CEP295NL: variants seen among roughly 807,000 people sequenced by gnomAD.
CEP295NL encodes the protein protein DDC8 homolog.
Under a neutral mutation model 4.6 loss-of-function variants are expected in CEP295NL, and 3 were observed. That is an observed-to-expected ratio of 0.65 (90% CI 0.30 to 1.69). The LOEUF is 1.69. Ranked by LOEUF, CEP295NL falls within the 40% of genes most tolerant of loss-of-function variation. CEP295NL has a pLI of 0.10. For synonymous variants in CEP295NL, 295 were observed against 312.2 expected (o/e 0.94, Z 0.58); for missense variants, 719 against 769.0 (o/e 0.93, Z 0.77).
At position 78,892,125 on chromosome 17, in the gene CEP295NL, C is replaced by T. The variant is rs1045609565; in HGVS notation, c.379G>A (p.Gly127Ser). The change falls in exon 3 of 3, where the codon GGT (glycine) becomes AGT (serine). Residue 127 changes from glycine (G) to serine (S), a missense_variant. Transcript: ENST00000322630. ...GYQEAQHLHV[G>S]GLDRLQSARL... ...GCTGACTGCAGCCTGTCCAGGCCAC[C>T]GACGTGCAGGTGCTGTGCCTCCTGA... The T allele has an allele frequency of 4.5e-6, 7 of 1,551,028 alleles. No individual in the cohort carries two copies. In the South Asian group the frequency reaches 4.8e-5, roughly 11 times the overall value.
At position 78,891,245 on chromosome 17, in the gene CEP295NL, TTGGACGC is replaced by T. The variant is rs1241049822; in HGVS notation, c.1252_1258del (p.Ala418ArgfsTer4). ...GCCCATGAACGTTTTCAAGTCGGTC[TTGGACGC>T]TGCCTGCTGCGCCTCCTCCTCTGCT... On this transcript the variant is annotated frameshift_variant, in exon 3 of 3. Transcript: ENST00000322630. LOFTEE classifies it low-confidence loss of function (END_TRUNC). This position sits in a 1 kb window ranked among gnomAD's most constrained non-coding sequence, Gnocchi z 4.5. 1 of 1,550,702 alleles carries T rather than the reference TTGGACGC, an allele frequency of 6.4e-7. No individual in the cohort carries two copies. Among genetic ancestry groups the T allele is most frequent in the Admixed American group, 2.0e-5 (1 of 51,006 alleles).
chr17:78,890,824 G>C lies in CEP295NL; in HGVS notation c.1680C>G (p.Ala560=). 1 of 1,550,574 alleles carries C rather than the reference G, an allele frequency of 6.4e-7. No individual in the cohort carries two copies. Among genetic ancestry groups the C allele is most frequent in the Non-Finnish European group, 8.7e-7 (1 of 1,147,008 alleles). ...LAHLKSSSTR[A]QERERGSELS... ...GCTCAGATCCTCTCTCCCTTTCCTGGGCTCTCGTGGAGGAGGACTTCAGAT... is the reference window on the plus strand; with the variant it reads ...GCTCAGATCCTCTCTCCCTTTCCTGCGCTCTCGTGGAGGAGGACTTCAGAT... Residue 560 remains alanine, a synonymous_variant, in exon 3 of 3, where the codon GCC becomes GCG. Transcript: ENST00000322630.
intron 2 of CEP295NL, chr17:78,897,092 A>G: frequency 5.7e-6 from 4 of 697,520 alleles, no homozygotes; most frequent in Non-Finnish European, 6.9e-6. Context: ...GCCCACAGAC[A>G]GCACCCCCCC....
At chr17:78,897,221 T>C (rs1159100754) in intron 2 of CEP295NL, 1 of 153,558 alleles carries the variant, frequency 6.5e-6, no homozygotes, top group Admixed American at 6.5e-5. Context: ...GCGCCCAGAA[T>C]GGGGGCTCCA....
rs901133369 is a variant in CEP295NL, at chr17:78,896,176, C to T, written c.45-3717G>A. On this transcript the variant is annotated intron_variant, in intron 2 of 2. Coordinates refer to ENST00000322630, the MANE Select transcript of CEP295NL (RefSeq NM_001243540.2). This position sits in a 1 kb window ranked among gnomAD's most constrained non-coding sequence, Gnocchi z 4.4. ...CGCTACCCCAGCTCTCCTTGCTCTC[C>T]CCTCTGAGACCCTCCCCACTTACTA... Among the ~76,000 whole-genome samples, 1 of 152,246 alleles carries T rather than the reference C, an allele frequency of 6.6e-6. No individual in the cohort carries two copies. The highest frequency in any genetic ancestry group is 2.4e-5 in the African/African-American group (1 of 41,466).
chr17:78,892,607 C>G, intron 2 of CEP295NL, 148 bp from the exon 3 acceptor site: 1 of 1,260,746 alleles, frequency 7.9e-7, no homozygotes, highest in Non-Finnish European at 1.1e-6. Context: ...CCCACCAGGG[C>G]CCACTCTCAG....
intron 2 of CEP295NL, among the ~76,000 whole-genome samples, chr17:78,894,295 T>G (rs1192437867): frequency 1.3e-5 from 2 of 152,002 alleles, no homozygotes; most frequent in Non-Finnish European, 2.9e-5. Context: ...CCTCTGCTGC[T>G]TGGACGAACC....
intron 2 of CEP295NL, chr17:78,898,333 G>T (rs12453433): frequency 6.6e-6 from 1 of 152,094 alleles, no homozygotes; most frequent in East Asian, 1.9e-4. Flanking sequence ...ATTCCGGGCC[G>T]AGCAGGCAGG....
intron 2 of CEP295NL, chr17:78,892,668 G>A (rs1568000679): frequency 2.9e-6 from 2 of 686,494 alleles, no homozygotes; most frequent in Non-Finnish European, 2.4e-6. Context: ...TAGGGCAGCT[G>A]TTTTGAACAG....
intron 2 of CEP295NL, chr17:78,900,875 G>A (rs1316357845): frequency 6.6e-6 from 1 of 152,272 alleles, no homozygotes; most frequent in Admixed American, 6.5e-5. Flanking sequence ...AAAGACGCTG[G>A]GCCACCAGAA....
chr17:78,901,460 G>A (rs79060472), intron 2 of CEP295NL, among the ~76,000 whole-genome samples: 2,633 of 152,200 alleles, frequency 0.017, 76 homozygotes, highest in African/African-American at 0.06. Flanking sequence ...CGGTAAGGAC[G>A]GGGAGAAGAG....
rs538422339 is a variant in CEP295NL, at chr17:78,891,482, A to G, written c.1022T>C (p.Leu341Pro). 7.1e-6 allele frequency: 11 copies of G among 1,551,132 alleles called. No individual in the cohort carries two copies. The African/African-American group carries it at 1.4e-4, about 19-fold the overall frequency. Residue 341 changes from leucine (L) to proline (P), a missense_variant, in exon 3 of 3, where the codon CTG becomes CCG. By Grantham distance (98) the Leu-to-Pro change is moderately conservative (BLOSUM62 -3). Coordinates refer to ENST00000322630, the MANE Select transcript of CEP295NL (RefSeq NM_001243540.2). This position sits in a 1 kb window ranked among gnomAD's most constrained non-coding sequence, Gnocchi z 4.5. ...LREKNKWQKE[L>P]ELAFEELFNI... ...AAACAACTCTTCAAAGGCCAACTCC[A>G]GCTCTTTCTGCCACTTGTTCTTCTC...
intron 2 of CEP295NL, among the ~76,000 whole-genome samples, chr17:78,894,317 G>A (rs2145775085): frequency 6.6e-6 from 1 of 152,034 alleles, no homozygotes; most frequent in South Asian, 2.1e-4. Context: ...CAGCACCTTT[G>A]ACCAACCTCA....
intron 1 of CEP295NL, chr17:78,902,660 A>C (rs1024165708): frequency 6.6e-6 from 1 of 152,284 alleles, no homozygotes; most frequent in African/African-American, 2.4e-5. Flanking sequence ...ACACTGAGGC[A>C]GACTGACCTC....
Position 78,892,345 on chromosome 17 carries a change from T to A in CEP295NL, c.159A>T (p.Ala53=). The A allele has an allele frequency of 6.4e-7, 1 of 1,550,658 alleles. No homozygotes were observed. Among genetic ancestry groups the A allele is most frequent in the Non-Finnish European group, 8.7e-7 (1 of 1,147,014 alleles). ...LPWEAVSAGF[A]DRNRNMDGAM... ...CTCCATCCATGTTTCTGTTCCTGTC[T>A]GCGAACCCAGCAGATACAGCTTCCC... The change falls in exon 3 of 3, where the codon GCA becomes GCT. Residue 53 remains alanine (A), a synonymous_variant. Transcript: ENST00000322630.
In CEP295NL at chr17:78,895,007, G is replaced by A. The variant is rs192483960; in HGVS notation, c.45-2548C>T. On this transcript the variant is annotated intron_variant, in intron 2 of 2. Transcript: ENST00000322630. ...GAAAATCAGCAAAAGAAGGACAGGT[G>A]TGGCAGCTCACACCTGTAATCCCAG... Among the ~76,000 whole-genome samples the A allele has an allele frequency of 1.5e-3, 229 of 152,300 alleles. 1 individual carries two copies. The highest frequency in any genetic ancestry group is 5.3e-3 in the African/African-American group (219 of 41,562).
rs1040738131 is a variant in CEP295NL at position 78,896,373 on chromosome 17, C to T, written c.45-3914G>A. ...ATGCCCAGGCTGATCTCCAGGCAGC[C>T]CAGTGTCTCTCCAGCCCTGCCAGAC... On this transcript the variant is annotated intron_variant, in intron 2 of 2. Transcript: ENST00000322630. This position sits in a 1 kb window ranked among gnomAD's most constrained non-coding sequence, Gnocchi z 4.4. Among the ~76,000 whole-genome samples the T allele has an allele frequency of 2.0e-5, 3 of 152,216 alleles. No homozygotes were observed. The highest frequency in any genetic ancestry group is 7.2e-5 in the African/African-American group (3 of 41,458).
intron 2 of CEP295NL, among the ~76,000 whole-genome samples, chr17:78,894,885 A>G (rs2069974560): frequency 6.6e-6 from 1 of 152,234 alleles, no homozygotes; most frequent in Non-Finnish European, 1.5e-5. Flanking sequence ...TACGGACTGG[A>G]AGGAAATATT....
chr17:78,901,743 G>A (rs113879522), intron 2 of CEP295NL, 42 bp downstream of exon 2: 20,722 of 717,248 alleles, frequency 0.029, 447 homozygotes, highest in South Asian at 0.057. Context: ...TTGTCACCAC[G>A]AGAAGCACCT....
Sources: gnomAD v4.1 joint callset for allele counts (sites outside exome capture counted in the v4.1 genomes callset) on GRCh38, gnomAD v4.1.1 for gene constraint, Gnocchi (gnomAD v3.1) non-coding constraint, MANE v1.5 for transcripts, NCBI Gene and HGNC (gene_info 2026-07-23, HGNC 2026-07-21) for gene names.